The following GABRA3 variants were observed in gnomAD, a reference collection of about 807,000 sequenced individuals.
GABRA3 encodes gamma-aminobutyric acid receptor subunit alpha-3.
Under a neutral mutation model 30.1 loss-of-function variants are expected in GABRA3, and 10 were observed. The observed-to-expected ratio is 0.33, with a 90% CI of 0.20 to 0.56. The LOEUF (loss-of-function observed/expected upper bound fraction) is 0.56. Ranked by LOEUF, GABRA3 falls within the 20% of genes least tolerant of loss-of-function variation. The probability of loss-of-function intolerance (pLI) is 0.89; values close to 1 mark genes in which losing one functional copy is unlikely to be tolerated. For missense variants in GABRA3, 233 were observed against 392.0 expected, an observed-to-expected ratio of 0.59 and a Z score of 3.42; for synonymous variants, 151 against 146.8, an observed-to-expected ratio of 1.03 and a Z score of -0.21.
intron 1 of GABRA3, among the ~76,000 whole-genome samples, chrX:152,386,739 C>T (rs1353145636): frequency 3.6e-5 from 4 of 110,488 alleles, no homozygotes; most frequent in South Asian, 3.9e-4. Context: ...GTCAGTGTGG[C>T]GATTCCTCAG....
intron 1 of GABRA3, chrX:152,389,492 G>A (rs1339120353): frequency 2.7e-5 from 3 of 111,460 alleles, no homozygotes; most frequent in African/African-American, 6.5e-5. Flanking sequence ...GTGATGAAGC[G>A]GCACTACTAG....
chrX:152,429,829 A>G lies in GABRA3; in HGVS notation c.-27+21317T>C, dbSNP rs775144007. On this transcript the variant is annotated intron_variant, in intron 1 of 9. Transcript: ENST00000370314. ...ACCAATGGGGGCCCTAGGTTTAGGC[A>G]AGTCCAATGTTCCTGATCCCAGAGT... is the stretch of plus-strand genomic sequence containing the variant. Among the ~76,000 whole-genome samples the G allele has an allele frequency of 6.3e-5, 7 of 111,778 alleles. No individual in the cohort carries two copies. The South Asian group carries it at 2.6e-3, about 42-fold the overall frequency.
At chrX:152,267,786 AT>A (rs1248609218) in intron 4 of GABRA3, among the ~76,000 whole-genome samples, 2 of 110,760 alleles carry the variant, frequency 1.8e-5, no homozygotes, top group African/African-American at 6.6e-5. Flanking sequence ...TTTCCAATTT[AT>A]TGGTGTATAA....
intron 3 of GABRA3, among the ~76,000 whole-genome samples, chrX:152,329,546 A>G (rs1940127300): frequency 8.9e-6 from 1 of 111,733 alleles, no homozygotes; most frequent in Non-Finnish European, 1.9e-5. Context: ...AATACCACAC[A>G]TCTTCAACCA....
chrX:152,373,801 C>T (rs1162167857), intron 1 of GABRA3, among the ~76,000 whole-genome samples: 2 of 106,411 alleles, frequency 1.9e-5, no homozygotes, highest in Admixed American at 1.0e-4. Flanking sequence ...CAACAGGCCC[C>T]GGTGTGTGAT....
At chrX:152,423,059 A>G (rs780555665) in intron 1 of GABRA3, among the ~76,000 whole-genome samples, 1 of 112,177 alleles carries the variant, frequency 8.9e-6, no homozygotes, top group East Asian at 2.8e-4. Flanking sequence ...GCTTGTAATT[A>G]TATTTTGAAA....
intron 1 of GABRA3, among the ~76,000 whole-genome samples, chrX:152,378,743 T>C (rs1929063092): frequency 9.0e-6 from 1 of 111,465 alleles, no homozygotes. Context: ...TTAAAAGTGA[T>C]TAAAACTAAA....
chrX:152,318,231 C>T (rs956767889), intron 3 of GABRA3, among the ~76,000 whole-genome samples: 3 of 111,145 alleles, frequency 2.7e-5, no homozygotes, highest in Non-Finnish European at 5.7e-5. Flanking sequence ...TGGATAAATT[C>T]CTGGAAACAT....
At position 152,272,686 on chromosome X, in the gene GABRA3, G is replaced by A. The variant is rs192768022; in HGVS notation, c.330+11982C>T. Among the ~76,000 whole-genome samples the A allele has an allele frequency of 2.2e-3, 241 of 111,722 alleles. 1 individual carries two copies. The highest frequency in any genetic ancestry group is 7.6e-3 in the African/African-American group (233 of 30,723). ...ATATGGTATGGCTGTGTCTCCATCC[G>A]AATCTCATTTTGAATTGTAGTTTCC... is the stretch of plus-strand genomic sequence containing the variant. On this transcript the variant is annotated intron_variant, in intron 4 of 9. Coordinates refer to ENST00000370314, the MANE Select transcript of GABRA3 (RefSeq NM_000808.4).
intron 3 of GABRA3, among the ~76,000 whole-genome samples, chrX:152,299,847 T>C (rs1039463774): frequency 5.4e-5 from 6 of 111,602 alleles, no homozygotes; most frequent in African/African-American, 2.0e-4. Flanking sequence ...TGTTATTGTT[T>C]TTTCTTATTT....
intron 3 of GABRA3, among the ~76,000 whole-genome samples, chrX:152,307,533 G>C (rs1373345416): frequency 2.7e-5 from 3 of 111,719 alleles, no homozygotes; most frequent in Non-Finnish European, 5.6e-5. Flanking sequence ...CAGCCAATAT[G>C]ATGTAGGGAG....
intron 5 of GABRA3, among the ~76,000 whole-genome samples, chrX:152,245,813 G>A (rs1938452465): frequency 9.0e-6 from 1 of 111,014 alleles, no homozygotes; most frequent in African/African-American, 3.3e-5. Flanking sequence ...GCAATCTAAG[G>A]GCTCTTTGGA....
At chrX:152,192,095 A>C (rs918149408) in intron 8 of GABRA3, among the ~76,000 whole-genome samples, 1 of 112,249 alleles carries the variant, frequency 8.9e-6, no homozygotes, top group Non-Finnish European at 1.9e-5. Flanking sequence ...GTATTGCAAC[A>C]TAAGTGTTTC....
At position 152,243,408 on chromosome X, in the gene GABRA3, C is replaced by A. The variant is rs764539363; in HGVS notation, c.551+12370G>T. 1.7e-3 allele frequency among the ~76,000 whole-genome samples: 188 copies of A among 111,700 alleles called. 2 individuals carry two copies. Among genetic ancestry groups the A allele is most frequent in the South Asian group, 5.6e-3 (15 of 2,685 alleles). The stretch of plus-strand genomic sequence containing the variant: ...AAATTAGCTTGATTTAGCTATTCCC[C>A]AATGCATAAATATATCAAGACATTC... On this transcript the variant is annotated intron_variant, in intron 5 of 9. Transcript: ENST00000370314.
At chrX:152,186,636 T>C (rs1937259351) in intron 9 of GABRA3, among the ~76,000 whole-genome samples, 2 of 108,757 alleles carry the variant, frequency 1.8e-5, no homozygotes, top group Non-Finnish European at 3.8e-5. Flanking sequence ...CTTCTTTTTT[T>C]TATTTGACAG....
At chrX:152,423,356 A>T (rs994398907) in intron 1 of GABRA3, among the ~76,000 whole-genome samples, 4 of 112,347 alleles carry the variant, frequency 3.6e-5, no homozygotes, top group African/African-American at 1.3e-4. Flanking sequence ...AGGTAAAAAT[A>T]GAAAAAGAAT....
rs983859092 is a variant in GABRA3, at chrX:152,240,309, G to A, written c.552-15464C>T. Among the ~76,000 whole-genome samples, 9 of 99,784 alleles carry A rather than the reference G, an allele frequency of 9.0e-5. 1 individual carries two copies. Among genetic ancestry groups the A allele is most frequent in the African/African-American group, 3.8e-4 (9 of 23,888 alleles). The allele number at this position is 99,784 out of a possible 115,157, so 86.7% of individuals were successfully genotyped here. A position where few individuals can be genotyped will look rare whatever the true frequency, so the allele number is the denominator to read the frequency against. On this transcript the variant is annotated intron_variant, in intron 5 of 9. Transcript: ENST00000370314. ...TTTGAAAATTCTTTTCTTTAAGAAC[G>A]TTGAATATTGGCCCCCACTCTCTTC...
At chrX:152,179,341 C>G (rs1269771729) in intron 9 of GABRA3, among the ~76,000 whole-genome samples, 3 of 110,748 alleles carry the variant, frequency 2.7e-5, no homozygotes, top group Non-Finnish European at 5.7e-5. Flanking sequence ...TTCAAGAATA[C>G]AGAACATTGC....
At chrX:152,291,309 CTCTG>C (rs1324086330) in intron 3 of GABRA3, among the ~76,000 whole-genome samples, 2 of 111,008 alleles carry the variant, frequency 1.8e-5, no homozygotes, top group African/African-American at 3.3e-5. Flanking sequence ...TGATGTGGCT[CTCTG>C]TCTGTTATTG....
Sources: allele counts gnomAD v4.1 joint callset (sites outside exome capture counted in the v4.1 genomes callset), GRCh38; gene constraint gnomAD v4.1.1; transcripts MANE v1.5; gene names NCBI Gene and HGNC (gene_info 2026-07-23, HGNC 2026-07-21).